CDH12: variants seen among roughly 807,000 people sequenced by gnomAD.
CDH12 encodes the protein cadherin-12.
CDH12 carries 41 observed loss-of-function variants against 74.1 expected under a neutral mutation model. The observed-to-expected ratio is 0.55, with a 90% CI of 0.43 to 0.72. CDH12 has a LOEUF of 0.72. Ranked by LOEUF, CDH12 falls within the 30% of genes least tolerant of loss-of-function variation. The pLI is 0.00. For missense variants in CDH12, 945 were observed against 977.2 expected, an observed-to-expected ratio of 0.97 and a Z score of 0.44; for synonymous variants, 399 against 355.0, an observed-to-expected ratio of 1.12 and a Z score of -1.39.
chr5:21,979,824 AT>A (rs1757229451), intron 5 of CDH12, among the ~76,000 whole-genome samples: 1 of 151,918 alleles, frequency 6.6e-6, no homozygotes, highest in Non-Finnish European at 1.5e-5. Flanking sequence ...AAAAAAAAAA[AT>A]GGTATTTCTA....
intron 1 of CDH12, among the ~76,000 whole-genome samples, chr5:22,557,773 A>AT (rs1373058158): frequency 1.3e-5 from 2 of 152,118 alleles, no homozygotes; most frequent in East Asian, 3.9e-4. Context: ...AGAAGCTTGT[A>AT]TTATGAAGAT....
chr5:22,756,820 C>G (rs572450574), intron 1 of CDH12, among the ~76,000 whole-genome samples: 1 of 151,918 alleles, frequency 6.6e-6, no homozygotes, highest in Non-Finnish European at 1.5e-5. Context: ...CTTAGCCAGG[C>G]GTGGTGGCAG....
chr5:22,245,275 G>T (rs757525587), intron 3 of CDH12, among the ~76,000 whole-genome samples: 30 of 152,076 alleles, frequency 2.0e-4, no homozygotes, highest in Admixed American at 7.2e-4. Flanking sequence ...GGCTTTGGGA[G>T]AACATTTTTC....
chr5:22,517,037 A>AT (rs1736842473), intron 1 of CDH12, among the ~76,000 whole-genome samples: 1 of 152,046 alleles, frequency 6.6e-6, no homozygotes, highest in Non-Finnish European at 1.5e-5. Context: ...TCTTTTTAAA[A>AT]TTTTTTAAAA....
At chr5:22,841,010 G>C (rs527461640) in intron 1 of CDH12, among the ~76,000 whole-genome samples, 1 of 151,846 alleles carries the variant, frequency 6.6e-6, no homozygotes, top group Non-Finnish European at 1.5e-5. Context: ...AAAATGAGGC[G>C]GCACAGACTA....
intron 4 of CDH12, among the ~76,000 whole-genome samples, chr5:22,188,441 T>A (rs1340018425): frequency 6.6e-6 from 1 of 152,032 alleles, no homozygotes; most frequent in Middle Eastern, 3.2e-3. Context: ...TCAAAGGTAT[T>A]CCTTTAGAGC....
At chr5:22,077,230 T>C (rs1386730709) in intron 5 of CDH12, among the ~76,000 whole-genome samples, 1 of 152,108 alleles carries the variant, frequency 6.6e-6, no homozygotes, top group Non-Finnish European at 1.5e-5. Context: ...GAAACTCTGG[T>C]TATATGTCCC....
intron 6 of CDH12, among the ~76,000 whole-genome samples, chr5:21,890,040 T>C (rs899705862): frequency 6.6e-6 from 1 of 152,178 alleles, no homozygotes; most frequent in African/African-American, 2.4e-5. Context: ...GGGAAATATG[T>C]AAAACACATT....
intron 6 of CDH12, among the ~76,000 whole-genome samples, chr5:21,941,726 T>TA (rs1394229140): frequency 2.0e-5 from 3 of 152,136 alleles, no homozygotes; most frequent in Admixed American, 2.0e-4. Context: ...GAAAGGGAGT[T>TA]ATATAGGAAG....
chr5:22,038,504 G>T (rs1021369751), intron 5 of CDH12, among the ~76,000 whole-genome samples: 1 of 152,174 alleles, frequency 6.6e-6, no homozygotes, highest in Non-Finnish European at 1.5e-5. Flanking sequence ...ACGGTGCCAT[G>T]GTGGAGCTGT....
chr5:22,584,364 T>G (rs1740263183), intron 1 of CDH12, among the ~76,000 whole-genome samples: 1 of 152,228 alleles, frequency 6.6e-6, no homozygotes, highest in Non-Finnish European at 1.5e-5. Context: ...CTTCCCGAAG[T>G]GCTGGGATTA....
chr5:21,837,277 TACA>T (rs2149979903), intron 8 of CDH12, among the ~76,000 whole-genome samples: 1 of 152,152 alleles, frequency 6.6e-6, no homozygotes, highest in Admixed American at 6.5e-5. Flanking sequence ...CTATATATTT[TACA>T]ACAACAATAA....
chr5:22,598,608 C>T (rs1386555601), intron 1 of CDH12, among the ~76,000 whole-genome samples: 1 of 151,976 alleles, frequency 6.6e-6, no homozygotes, highest in African/African-American at 2.4e-5. Flanking sequence ...CATATGTTGC[C>T]CAAAGAATTA....
chr5:22,686,464 T>A (rs1431734849), intron 1 of CDH12, among the ~76,000 whole-genome samples: 1 of 152,218 alleles, frequency 6.6e-6, no homozygotes, highest in African/African-American at 2.4e-5. Context: ...CTAAAGGTCA[T>A]GAAGATTTAC....
At chr5:22,246,193 G>T (rs866714397) in intron 3 of CDH12, among the ~76,000 whole-genome samples, 1 of 152,106 alleles carries the variant, frequency 6.6e-6, no homozygotes, top group South Asian at 2.1e-4. Context: ...TTTTAATTCA[G>T]TGTTAATTAA....
intron 2 of CDH12, among the ~76,000 whole-genome samples, chr5:22,497,136 G>A (rs182919120): frequency 4.6e-5 from 7 of 152,152 alleles, no homozygotes; most frequent in East Asian, 3.9e-4. Context: ...ATAGAATAAC[G>A]CCTGACATAG....
chr5:22,672,034 G>A (rs1030693567), intron 1 of CDH12, among the ~76,000 whole-genome samples: 5 of 132,870 alleles, frequency 3.8e-5, no homozygotes, highest in African/African-American at 5.6e-5. Flanking sequence ...ATAAATATAC[G>A]TAAAATATAT....
rs150935118 is a variant in CDH12 at position 22,338,638 on chromosome 5, A to G, written c.-333+66619T>C. Reference sequence around the variant, plus strand: ...ATACCCAATTTTCCATTATGGGATTATTACGCATTGCCTCCCTGTACCAGA... The same window carrying G: ...ATACCCAATTTTCCATTATGGGATTGTTACGCATTGCCTCCCTGTACCAGA... On this transcript the variant is annotated intron_variant, in intron 3 of 14. Transcript: ENST00000382254. Among the ~76,000 whole-genome samples the G allele has an allele frequency of 5.3e-4, 81 of 152,342 alleles. No individual in the cohort carries two copies. The East Asian group carries it at 0.014, about 27-fold the overall frequency.
intron 1 of CDH12, among the ~76,000 whole-genome samples, chr5:22,747,089 T>C (rs1745329351): frequency 6.6e-6 from 1 of 152,186 alleles, no homozygotes; most frequent in African/African-American, 2.4e-5. Flanking sequence ...TTCTAGATCT[T>C]GAAAGTGATG....
Sources: gnomAD v4.1 joint callset for allele counts (sites outside exome capture counted in the v4.1 genomes callset) on GRCh38, gnomAD v4.1.1 for gene constraint, MANE v1.5 for transcripts, NCBI Gene and HGNC (gene_info 2026-07-23, HGNC 2026-07-21) for gene names.